HINT3: variants seen among roughly 807,000 people sequenced by gnomAD.
The protein encoded by HINT3 is adenosine 5'-monophosphoramidase HINT3.
HINT3 carries 16 observed loss-of-function variants against 19.1 expected under a neutral mutation model. The ratio of observed to expected loss-of-function variants is 0.84; its 90% CI spans 0.57 to 1.27. The LOEUF (loss-of-function observed/expected upper bound fraction) is 1.27, where lower values mean the gene tolerates loss of function less well. Among genes scored for constraint, HINT3 ranks in the 50% most tolerant of loss-of-function variants. HINT3 has a pLI of 0.00. For missense variants in HINT3, 197 were observed against 225.8 expected (o/e 0.87, Z 0.82); for synonymous variants, 75 against 84.8 (o/e 0.88, Z 0.63).
chr6:125,962,231 T>C (rs1162127429), intron 1 of HINT3, among the ~76,000 whole-genome samples: 10 of 30,250 alleles, frequency 3.3e-4, no homozygotes, highest in South Asian at 2.5e-3. Context: ...TATATATATA[T>C]ATACACATAT....
chr6:125,972,776 G>A (rs973086506), intron 3 of HINT3, among the ~76,000 whole-genome samples: 2 of 152,064 alleles, frequency 1.3e-5, no homozygotes, highest in African/African-American at 4.8e-5. Context: ...TTTAGGTAGA[G>A]ACAGGGTCTC....
At chr6:125,964,751 C>T (rs1245556029) in intron 1 of HINT3, among the ~76,000 whole-genome samples, 1 of 150,672 alleles carries the variant, frequency 6.6e-6, no homozygotes, top group East Asian at 2.0e-4. Flanking sequence ...CACACACACA[C>T]ACACACACAC....
chr6:125,970,163 A>G (rs1443778596), intron 2 of HINT3, among the ~76,000 whole-genome samples: 2 of 152,164 alleles, frequency 1.3e-5, no homozygotes, highest in African/African-American at 4.8e-5. Context: ...TATTTAGGCT[A>G]GTGAATTAAC....
At chr6:125,973,541 T>C (rs1482567871) in intron 3 of HINT3, among the ~76,000 whole-genome samples, 1 of 152,200 alleles carries the variant, frequency 6.6e-6, no homozygotes, top group Non-Finnish European at 1.5e-5. Context: ...ACTTGTGGTG[T>C]ACTCTACGTA....
chr6:125,972,469 G>A, intron 3 of HINT3, 141 bp downstream of exon 3: 1 of 527,802 alleles, frequency 1.9e-6, no homozygotes. Flanking sequence ...ATAGTTCATT[G>A]GTAGTATAAA....
At chr6:125,974,606 G>A (rs571234421) in intron 3 of HINT3, among the ~76,000 whole-genome samples, 5 of 152,300 alleles carry the variant, frequency 3.3e-5, no homozygotes, top group South Asian at 2.1e-4. Flanking sequence ...ATATTGAGGC[G>A]TAATATGCTG....
chr6:125,969,044 G>A (rs1042236612), intron 2 of HINT3, among the ~76,000 whole-genome samples: 9 of 152,092 alleles, frequency 5.9e-5, no homozygotes, highest in East Asian at 5.8e-4. Flanking sequence ...TTTTTATTGC[G>A]TTGCTCTTGA....
intron 2 of HINT3, among the ~76,000 whole-genome samples, chr6:125,969,777 A>C (rs1029020251): frequency 2.5e-4 from 38 of 152,164 alleles, no homozygotes; most frequent in African/African-American, 8.7e-4. Flanking sequence ...TTCTTGATTT[A>C]GACTGTCAGT....
intron 4 of HINT3, among the ~76,000 whole-genome samples, chr6:125,975,730 A>G (rs1789170617): frequency 6.6e-6 from 1 of 151,966 alleles, no homozygotes; most frequent in African/African-American, 2.4e-5. Context: ...GGTGCATGCC[A>G]CCATGCCCAG....
At chr6:125,962,243 TATATATACACAC>T (rs1788947301) in intron 1 of HINT3, among the ~76,000 whole-genome samples, 2 of 41,892 alleles carry the variant, frequency 4.8e-5, no homozygotes, top group Admixed American at 3.1e-4. Flanking sequence ...TACACATATA[TATATATACACAC>T]ATATATATAT....
chr6:125,958,264 T>G (rs1456227487), intron 1 of HINT3, among the ~76,000 whole-genome samples: 1 of 151,500 alleles, frequency 6.6e-6, no homozygotes, highest in Non-Finnish European at 1.5e-5. Flanking sequence ...GTCTAACTAG[T>G]GCATAGAGTT....
chr6:125,974,501 A>G (rs1392917146), intron 3 of HINT3, among the ~76,000 whole-genome samples: 9 of 152,236 alleles, frequency 5.9e-5, no homozygotes, highest in Admixed American at 2.0e-4. Flanking sequence ...GTTTTTAAAA[A>G]TTCATTGCAA....
chr6:125,963,707 A>T (rs1788977696), intron 1 of HINT3, among the ~76,000 whole-genome samples: 4 of 152,236 alleles, frequency 2.6e-5, no homozygotes, highest in Admixed American at 2.6e-4. Flanking sequence ...CATACAGAAC[A>T]TAAACATATA....
At chr6:125,972,749 G>A (rs367689148) in intron 3 of HINT3, among the ~76,000 whole-genome samples, 142 of 152,080 alleles carry the variant, frequency 9.3e-4, no homozygotes, top group Middle Eastern at 3.4e-3. Context: ...TGCCACACCC[G>A]GCTAATTTTA....
Position 125,979,276 on chromosome 6 carries a change from GA to G in HINT3, c.*1601del, listed in dbSNP as rs1471473938. The G allele has an allele frequency of 1.2e-4, 18 of 152,278 alleles. No individual in the cohort carries two copies. The highest frequency in any genetic ancestry group is 1.9e-4 in the African/African-American group (8 of 41,544). 9.4% of individuals were successfully genotyped at this position (152,278 alleles called of 1,614,324 possible). ...GGGCTCTCAAAAGTAGATTTAGAGA[GA>G]TTTTTTTATCACTGTTTTATGATAT... On this transcript the variant is annotated 3_prime_UTR_variant, in exon 5 of 5. Transcript: ENST00000229633.
intron 1 of HINT3, among the ~76,000 whole-genome samples, chr6:125,962,204 A>C: frequency 5.1e-5 from 2 of 39,362 alleles, no homozygotes; most frequent in African/African-American, 4.8e-4. Flanking sequence ...ATATATATAT[A>C]TATATACACA....
intron 2 of HINT3, among the ~76,000 whole-genome samples, chr6:125,970,922 C>G (rs1371809952): frequency 6.6e-6 from 1 of 152,076 alleles, no homozygotes; most frequent in Non-Finnish European, 1.5e-5. Context: ...ATGGTACTGA[C>G]CTAGTCTTGG....
chr6:125,972,360 A>G (rs781652784), intron 3 of HINT3, 32 bp downstream of exon 3: 1 of 1,295,904 alleles, frequency 7.7e-7, no homozygotes, highest in East Asian at 2.6e-5. Context: ...AACCAATATT[A>G]TACATTATTG....
At position 125,979,039 on chromosome 6, in the gene HINT3, G is replaced by A. The variant is rs1789213355; in HGVS notation, c.*1363G>A. On this transcript the variant is annotated 3_prime_UTR_variant, in exon 5 of 5. Coordinates refer to ENST00000229633, the MANE Select transcript of HINT3 (RefSeq NM_138571.5). ...TGCCTTCACAGCCAGAAGAGGCTGT[G>A]AAGGGATAAACACTTCTGAGAGTGG... 6.6e-6 allele frequency: 1 copy of A among 152,210 alleles called. No homozygotes were observed. Among genetic ancestry groups the A allele is most frequent in the Non-Finnish European group, 1.5e-5 (1 of 68,038 alleles). The allele number at this position is 152,210 out of a possible 1,614,324, so 9.4% of individuals were successfully genotyped here.
Sources: allele counts gnomAD v4.1 joint callset (sites outside exome capture counted in the v4.1 genomes callset), GRCh38; gene constraint gnomAD v4.1.1; transcripts MANE v1.5; gene names NCBI Gene and HGNC (gene_info 2026-07-23, HGNC 2026-07-21).